Variants in SP1 observed in about 807,000 individuals in gnomAD.
SP1 encodes Sp1 transcription factor.
In SP1, 6 loss-of-function variants were observed where a neutral mutation model predicts 66.3. The ratio of observed to expected loss-of-function variants is 0.09; its 90% CI spans 0.05 to 0.18. The LOEUF (loss-of-function observed/expected upper bound fraction) is 0.18. SP1 is among the 10% of genes least tolerant of loss of function. The probability of loss-of-function intolerance (pLI) is 1.00; values close to 1 mark genes in which losing one functional copy is unlikely to be tolerated. For missense variants in SP1, 848 were observed against 964.5 expected, an observed-to-expected ratio of 0.88 and a Z score of 1.60; for synonymous variants, 417 against 360.8, an observed-to-expected ratio of 1.16 and a Z score of -1.77.
At chr12:53,408,271 T>C (rs1938795923) in intron 4 of SP1, among the ~76,000 whole-genome samples, 1 of 141,910 alleles carries the variant, frequency 7.0e-6, no homozygotes, top group Non-Finnish European at 1.5e-5. Context: ...AGCTTCGCTC[T>C]TGTTGCCCAG....
In SP1 at chr12:53,411,146, G is replaced by C; in HGVS notation, c.2264G>C (p.Cys755Ser). 1 of 1,614,204 alleles carries C rather than the reference G, an allele frequency of 6.2e-7. No homozygotes were observed. Among genetic ancestry groups the C allele is most frequent in the Non-Finnish European group, 8.5e-7 (1 of 1,180,046 alleles). ...TTNMVAMEAI[C>S]PEGIARLANS... ...AATATGGTAGCCATGGAGGCCATCT[G>C]TCCAGAGGGCATTGCCCGTCTTGCC... Residue 755 changes from cysteine to serine, a missense_variant, in exon 6 of 6, where the codon TGT (cysteine) becomes TCT (serine). Cys to Ser is a moderately radical substitution (Grantham distance 112). This residue lies in a region of SP1 where 73 missense variants were observed against 91.9 expected (regional missense o/e 0.79). Transcript: ENST00000327443.
intron 3 of SP1, among the ~76,000 whole-genome samples, chr12:53,404,166 G>C (rs1489668047): frequency 6.8e-6 from 1 of 147,390 alleles, no homozygotes; most frequent in Non-Finnish European, 1.5e-5. Flanking sequence ...GCGAGACTCC[G>C]TCTCAAAAAA....
rs114382555 is a variant in SP1 at position 53,383,534 on chromosome 12, C to A, written c.1587C>A (p.Leu529=). The change falls in exon 3 of 6, where the codon CTC becomes CTA. Residue 529 remains leucine, a synonymous_variant. Coordinates refer to ENST00000327443, the MANE Select transcript of SP1 (RefSeq NM_138473.3). ...CTCAACTCTCCTCCATGCCAGGCCT[C>A]CAGACCATTAACCTCAGTGCATTGG... The part of the protein sequence containing the change: ...NAAQLSSMPG[L]QTINLSALGT... 4.1e-4 allele frequency: 664 copies of A among 1,614,176 alleles called. 2 individuals carry two copies. In the African/African-American group the frequency reaches 8.1e-3, roughly 20 times the overall value.
intron 4 of SP1, among the ~76,000 whole-genome samples, chr12:53,408,512 G>A (rs958506164): frequency 2.0e-5 from 3 of 151,448 alleles, no homozygotes; most frequent in South Asian, 2.1e-4. Context: ...GGCTGGTCTC[G>A]GATCCCTGAC....
chr12:53,397,131 C>A (rs1938508738), intron 3 of SP1, among the ~76,000 whole-genome samples: 1 of 151,182 alleles, frequency 6.6e-6, no homozygotes, highest in Admixed American at 6.6e-5. Context: ...TCTGCCTCAG[C>A]TTCCCAAGTA....
At chr12:53,396,751 T>C (rs1938500320) in intron 3 of SP1, among the ~76,000 whole-genome samples, 2 of 152,160 alleles carry the variant, frequency 1.3e-5, no homozygotes. Flanking sequence ...AATGTTTTGA[T>C]TTATGTTATA....
chr12:53,384,417 T>G (rs1938180381), intron 3 of SP1, among the ~76,000 whole-genome samples: 1 of 152,002 alleles, frequency 6.6e-6, no homozygotes, highest in Non-Finnish European at 1.5e-5. Context: ...CTTGAGTAGC[T>G]GGGATTGCAG....
chr12:53,397,579 CTTTTTTTTTCTTT>C (rs765609424), intron 3 of SP1, among the ~76,000 whole-genome samples: 21 of 144,084 alleles, frequency 1.5e-4, no homozygotes, highest in East Asian at 6.0e-4. Context: ...ACTCTTTTTC[CTTTTTTTTTCTTT>C]TTTTTTTTTT....
chr12:53,385,785 A>G (rs534598146), intron 3 of SP1, among the ~76,000 whole-genome samples: 2 of 149,976 alleles, frequency 1.3e-5, no homozygotes, highest in African/African-American at 4.9e-5. Flanking sequence ...TGGTGGTACA[A>G]GCCTGTAGTC....
chr12:53,382,154 C>T lies in SP1; in HGVS notation c.207C>T (p.Ser69=). 1.2e-6 allele frequency: 2 copies of T among 1,614,146 alleles called. No individual in the cohort carries two copies. Among genetic ancestry groups the T allele is most frequent in the Non-Finnish European group, 1.7e-6 (2 of 1,180,020 alleles). Residue 69 remains serine, a synonymous_variant, in exon 3 of 6, where the codon AGC becomes AGT. Coordinates refer to ENST00000327443, the MANE Select transcript of SP1 (RefSeq NM_138473.3). ...SPLALLAATC[S]RIESPNENSN... ...TGGCTCTGCTGGCAGCAACTTGCAG[C>T]AGAATTGAGTCACCCAATGAGAACA...
chr12:53,394,169 T>C (rs2460882), intron 3 of SP1, among the ~76,000 whole-genome samples: 47,105 of 151,398 alleles, frequency 0.31, 10,847 homozygotes, highest in African/African-American at 0.65. Flanking sequence ...GAGCCAAGAT[T>C]GAACCATTGC....
intron 3 of SP1, among the ~76,000 whole-genome samples, chr12:53,394,581 T>C (rs1012369577): frequency 7.3e-6 from 1 of 137,632 alleles, no homozygotes; most frequent in Admixed American, 7.4e-5. Context: ...TTTTCTTTTC[T>C]TCTTTTTTTT....
rs1938149463 is a variant in SP1 at position 53,383,205 on chromosome 12, T to C, written c.1258T>C (p.Leu420=). 25 of 1,614,156 alleles carry C rather than the reference T, an allele frequency of 1.5e-5. No homozygotes were observed. Among genetic ancestry groups the C allele is most frequent in the Non-Finnish European group, 2.1e-5 (25 of 1,180,012 alleles). ...CCTCCAGGCCCTCCAAGCAGCACCA[T>C]TGTCAGGGCAGACCTTTACAACTCA... ...QALQALQAAP[L]SGQTFTTQAI... The change falls in exon 3 of 6, where the codon TTG becomes CTG. Residue 420 remains leucine (L), a synonymous_variant. Transcript: ENST00000327443.
intron 3 of SP1, among the ~76,000 whole-genome samples, chr12:53,388,192 A>G (rs1228298443): frequency 2.0e-5 from 3 of 152,148 alleles, no homozygotes; most frequent in Admixed American, 6.6e-5. Context: ...TTTATTTTCT[A>G]TTTGCTCTTA....
At position 53,410,996 on chromosome 12, in the gene SP1, T is replaced by C. The variant is rs146529827; in HGVS notation, c.2114T>C (p.Ile705Thr). 1.9e-5 allele frequency: 30 copies of C among 1,614,042 alleles called. No individual in the cohort carries two copies. The highest frequency in any genetic ancestry group is 5.5e-5 in the South Asian group (5 of 91,086). The change falls in exon 6 of 6, where the codon ATC becomes ACC. Residue 705 changes from isoleucine (I) to threonine (T), a missense_variant. Transcript: ENST00000327443. ...AGGAGTGACCACCTGTCAAAACATA[T>C]CAAGACCCACCAGAATAAGAAGGGA... ...FMRSDHLSKH[I>T]KTHQNKKGGP...
At chr12:53,381,367 C>A in intron 1 of SP1, 1 of 231,734 alleles carries the variant, frequency 4.3e-6, no homozygotes, top group Non-Finnish European at 8.4e-6. Context: ...TATTTAGAAA[C>A]TCTCACCATG....
intron 3 of SP1, among the ~76,000 whole-genome samples, chr12:53,388,080 A>G (rs1321567878): frequency 6.6e-6 from 1 of 152,228 alleles, no homozygotes; most frequent in Non-Finnish European, 1.5e-5. Context: ...AAAATGTTTT[A>G]TAAACTAAAC....
intron 3 of SP1, among the ~76,000 whole-genome samples, chr12:53,386,699 G>A (rs932604091): frequency 2.6e-5 from 4 of 151,826 alleles, no homozygotes; most frequent in Non-Finnish European, 4.4e-5. Flanking sequence ...GTGTTGACCA[G>A]GCTGGTCTCG....
At chr12:53,409,768 T>G (rs111792083) in intron 5 of SP1, among the ~76,000 whole-genome samples, 19,491 of 151,452 alleles carry the variant, frequency 0.13, 4,169 homozygotes, top group African/African-American at 0.44. Flanking sequence ...CCAGCACTTT[T>G]GGAGGCCGAG....
Sources: allele counts gnomAD v4.1 joint callset (sites outside exome capture counted in the v4.1 genomes callset), GRCh38; gene constraint gnomAD v4.1.1; regional missense constraint gnomAD v4.1.1; transcripts MANE v1.5; gene names NCBI Gene and HGNC (gene_info 2026-07-23, HGNC 2026-07-21).